The following TRPM5 variants were observed in gnomAD, a reference collection of about 807,000 sequenced individuals.
The protein encoded by TRPM5 is transient receptor potential cation channel subfamily M member 5.
A neutral mutation model predicts 124.9 loss-of-function variants in TRPM5; 121 were observed. The ratio of observed to expected loss-of-function variants is 0.97; its 90% CI spans 0.84 to 1.13. The LOEUF is 1.13. Among genes scored for constraint, TRPM5 ranks in the 50% most tolerant of loss-of-function variants. The pLI is 0.00. For synonymous variants in TRPM5, 781 were observed against 700.5 expected (o/e 1.11, Z -1.81); for missense variants, 1,643 against 1,589.1 (o/e 1.03, Z -0.58).
At chr11:2,407,486 C>A (rs749785750) in intron 19 of TRPM5, among the ~76,000 whole-genome samples, 186 bp from the exon 25 acceptor site, 18 of 152,226 alleles carry the variant, frequency 1.2e-4, no homozygotes, top group Non-Finnish European at 2.4e-4. Context: ...GTCCACTCTG[C>A]TCTCCTGGAC....
the TRPM5 span, among the ~76,000 whole-genome samples, chr11:2,433,443 C>T: frequency 6.6e-6 from 1 of 152,270 alleles, no homozygotes; most frequent in African/African-American, 2.4e-5. Flanking sequence ...CCGAGCGCTG[C>T]CCGGGCCCAG....
Position 2,417,695 on chromosome 11 carries a change from G to A in TRPM5, c.1009+32C>T, listed in dbSNP as rs376010653. On this transcript the variant is annotated intron_variant, in intron 7 of 23. Transcript: ENST00000155858. ...GCTCTGAGCATGAAGCCCCCCAATG[G>A]CGCCTGCCTTGCCCACCCTGCCCGC... The A allele has an allele frequency of 6.8e-4, 1,039 of 1,518,850 alleles. 1 individual carries two copies. The highest frequency in any genetic ancestry group is 8.6e-4 in the Non-Finnish European group (963 of 1,115,676). 94.1% of individuals were successfully genotyped at this position (1,518,850 alleles called of 1,614,324 possible).
chr11:2,408,678 A>G (rs1850375760), intron 18 of TRPM5, among the ~76,000 whole-genome samples: 1 of 152,148 alleles, frequency 6.6e-6, no homozygotes, highest in Non-Finnish European at 1.5e-5. Flanking sequence ...TCAACCCTGG[A>G]CCCTCACCCC....
chr11:2,433,099 C>G, the TRPM5 span, among the ~76,000 whole-genome samples: 1 of 152,252 alleles, frequency 6.6e-6, no homozygotes, highest in Non-Finnish European at 1.5e-5. Flanking sequence ...TCGGCACCAT[C>G]CTTGCAGCAT....
chr11:2,431,942 A>G, the TRPM5 span, among the ~76,000 whole-genome samples: 5 of 152,196 alleles, frequency 3.3e-5, no homozygotes, highest in Non-Finnish European at 7.3e-5. Flanking sequence ...GGTACAGACC[A>G]CATGTTCTAA....
chr11:2,430,722 T>TA, the TRPM5 span, among the ~76,000 whole-genome samples: 1 of 107,492 alleles, frequency 9.3e-6, no homozygotes, highest in Non-Finnish European at 1.9e-5. Context: ...GGTGGTGGTT[T>TA]TGGTGGCGGT....
At position 2,420,213 on chromosome 11, in the gene TRPM5, G is replaced by A. The variant is rs201184691; in HGVS notation, c.649+9C>T. 1.2e-4 allele frequency: 196 copies of A among 1,584,816 alleles called. No individual in the cohort carries two copies. In the East Asian group the frequency reaches 2.9e-3, roughly 24 times the overall value. ...CAAGGCTTCCCTGGGTGGCTGGGGC[G>A]GGTCTCACCCCCGTAGCCCGCCCTC... On this transcript the variant is annotated intron_variant, in intron 4 of 23. Transcript: ENST00000155858.
intron 18 of TRPM5, among the ~76,000 whole-genome samples, chr11:2,410,373 C>T (rs1401864829): frequency 6.6e-6 from 1 of 152,202 alleles, no homozygotes; most frequent in Non-Finnish European, 1.5e-5. Flanking sequence ...CTGGGCAGCA[C>T]GTTGTGCCAT....
At chr11:2,419,514 G>C (rs1845735421) in intron 4 of TRPM5, among the ~76,000 whole-genome samples, 1 of 151,698 alleles carries the variant, frequency 6.6e-6, no homozygotes, top group Non-Finnish European at 1.5e-5. Context: ...TACCCGGGAG[G>C]CTGAGGCAGG....
chr11:2,427,919 G>A (rs187263031), upstream of TRPM5, among the ~76,000 whole-genome samples: 47 of 152,334 alleles, frequency 3.1e-4, 1 homozygote, highest in South Asian at 4.8e-3. Context: ...CTGCGAGGCC[G>A]TGGGGCATCG....
At chr11:2,412,451 G>T (rs375220484) in intron 15 of TRPM5, among the ~76,000 whole-genome samples, 198 bp from the exon 21 acceptor site, 15 of 152,032 alleles carry the variant, frequency 9.9e-5, no homozygotes, top group Non-Finnish European at 1.5e-4. Context: ...TCCACTTGGG[G>T]CCAGGGCCTC....
chr11:2,410,125 A>G (rs1219235358), intron 18 of TRPM5, among the ~76,000 whole-genome samples: 4 of 152,166 alleles, frequency 2.6e-5, no homozygotes, highest in Non-Finnish European at 5.9e-5. Context: ...GGGTCTGGTT[A>G]AACTAATGGC....
At chr11:2,420,528 C>G in intron 3 of TRPM5, 123 bp from the exon 9 acceptor site, 1 of 1,011,080 alleles carries the variant, frequency 9.9e-7, no homozygotes, top group Non-Finnish European at 1.4e-6. Context: ...GGCTTCTGCC[C>G]GAGCCTTGGT....
intron 4 of TRPM5, among the ~76,000 whole-genome samples, chr11:2,419,633 A>C (rs1438061556): frequency 1.3e-5 from 2 of 152,132 alleles, no homozygotes; most frequent in African/African-American, 2.4e-5. Context: ...AAAAAAAAAA[A>C]AAAAAAACAG....
downstream of TRPM5, among the ~76,000 whole-genome samples, chr11:2,404,333 C>T (rs1464847990): frequency 1.3e-5 from 2 of 152,186 alleles, no homozygotes; most frequent in African/African-American, 4.8e-5. Flanking sequence ...AAAGCAGCCA[C>T]TGGTGCCAGC....
At chr11:2,419,391 T>C (rs1845733408) in intron 4 of TRPM5, among the ~76,000 whole-genome samples, 1 of 150,126 alleles carries the variant, frequency 6.7e-6, no homozygotes, top group African/African-American at 2.5e-5. Flanking sequence ...GCAGATCACC[T>C]GAGATCAGGA....
At chr11:2,421,169 C>T (rs1000334351) in exon 3 of TRPM5, 30 of 1,541,024 alleles carry the variant, frequency 1.9e-5, no homozygotes, top group Non-Finnish European at 1.9e-5. Context: ...GCCAGGCCCA[C>T]GCGGAGGGCA....
the TRPM5 span, among the ~76,000 whole-genome samples, chr11:2,430,638 GTGGTGGCAGTGA>G: frequency 1.3e-5 from 2 of 151,218 alleles, no homozygotes; most frequent in African/African-American, 2.5e-5. Context: ...AGTGATGAGG[GTGGTGGCAGTGA>G]TGGTGACAGT....
the TRPM5 span, among the ~76,000 whole-genome samples, chr11:2,442,142 C>A: frequency 0.015 from 2,341 of 152,222 alleles, 68 homozygotes; most frequent in African/African-American, 0.052. This position sits in a 1 kb window ranked among gnomAD's most constrained non-coding sequence, Gnocchi z 5.9. Flanking sequence ...GATGTGTTTT[C>A]ATCCATGACT....
Sources: allele counts gnomAD v4.1 joint callset (sites outside exome capture counted in the v4.1 genomes callset), GRCh38; gene constraint gnomAD v4.1.1; non-coding constraint Gnocchi (gnomAD v3.1); transcripts MANE v1.5; gene names NCBI Gene and HGNC (gene_info 2026-07-23, HGNC 2026-07-21).